Variants in PKD1L1 observed in about 807,000 individuals in gnomAD.
PKD1L1 encodes polycystin-1-like protein 1.
Under a neutral mutation model 323.4 loss-of-function variants are expected in PKD1L1, and 236 were observed. The observed-to-expected ratio is 0.73, with a 90% confidence interval of 0.66 to 0.81. PKD1L1 has a LOEUF of 0.81. Among genes scored for constraint, PKD1L1 ranks in the 40% least tolerant of loss-of-function variants. The pLI, the probability that PKD1L1 is intolerant of heterozygous loss-of-function variation, is 0.00. For missense variants in PKD1L1, 3,320 were observed against 3,508.0 expected, an observed-to-expected ratio of 0.95 and a Z score of 1.35; for synonymous variants, 1,344 against 1,335.0, an observed-to-expected ratio of 1.01 and a Z score of -0.15.
At chr7:47,880,275 T>G (rs1451634305) in intron 21 of PKD1L1, among the ~76,000 whole-genome samples, 14 of 81,584 alleles carry the variant, frequency 1.7e-4, no homozygotes, top group African/African-American at 8.1e-4. Flanking sequence ...CATATATATA[T>G]ATATATATAT....
At chr7:47,955,759 C>G in the PKD1L1 span, among the ~76,000 whole-genome samples, 1 of 152,172 alleles carries the variant, frequency 6.6e-6, no homozygotes, top group Non-Finnish European at 1.5e-5. Context: ...TCTTTTCAGG[C>G]ATTACATATA....
intron 54 of PKD1L1, among the ~76,000 whole-genome samples, chr7:47,800,432 G>A (rs1784634762): frequency 6.6e-6 from 1 of 152,196 alleles, no homozygotes; most frequent in Admixed American, 6.5e-5. Context: ...TGGGGTGGCT[G>A]CTCTCGTGCT....
rs149025049 is a variant in PKD1L1 at position 47,813,188 on chromosome 7, C to T, written c.7279G>A (p.Val2427Met). Residue 2427 changes from valine to methionine, a missense_variant, in exon 49 of 57, where the codon GTG becomes ATG. Physicochemically the swap from Val to Met is conservative, Grantham distance 21 (BLOSUM62 1). Coordinates refer to ENST00000289672, the MANE Select transcript of PKD1L1 (RefSeq NM_138295.5). ...PYLIDPENQN[V>M]TLNGPGGCGT... ...CAGCCCCCAGGACCATTCAGGGTCA[C>T]GTTTTGGTTCTCTGGGTCTATCAGG... 196 of 1,614,202 alleles carry T rather than the reference C, an allele frequency of 1.2e-4. No individual in the cohort carries two copies. Among genetic ancestry groups the T allele is most frequent in the African/African-American group, 1.1e-3 (79 of 75,068 alleles).
At position 47,775,256 on chromosome 7, in the gene PKD1L1, T is replaced by C. The variant is rs377490825; in HGVS notation, c.8527-90A>G. The stretch of plus-strand genomic sequence containing the variant: ...TAGGCAGAAAGGCAGCAAGTGCTGA[T>C]CAGACCTGAACACCACCATCAGCTA... On this transcript the variant is annotated intron_variant, in intron 56 of 56. Coordinates refer to ENST00000289672, the MANE Select transcript of PKD1L1 (RefSeq NM_138295.5). 47 of 1,495,286 alleles carry C rather than the reference T, an allele frequency of 3.1e-5. No individual in the cohort carries two copies. In the African/African-American group the frequency reaches 6.1e-4, roughly 19 times the overall value. The allele number at this position is 1,495,286 out of a possible 1,614,324, so 92.6% of individuals were successfully genotyped here.
intron 46 of PKD1L1, chr7:47,818,058 A>G: frequency 2.2e-6 from 3 of 1,367,734 alleles, no homozygotes; most frequent in Non-Finnish European, 2.9e-6. Flanking sequence ...TTAACTCTGG[A>G]CTTCTCTACA....
In PKD1L1 at chr7:47,830,128, C is replaced by G; in HGVS notation, c.6474-4G>C. ...CACACATTGCTCCTGGCCAAACCTG[C>G]CCCCAGGGAAAGTGCAGTGGTCAGC... On this transcript the variant is annotated splice_region_variant and splice_polypyrimidine_tract_variant and intron_variant, in intron 42 of 56. Transcript: ENST00000289672. 1 of 1,613,246 alleles carries G rather than the reference C, an allele frequency of 6.2e-7. No homozygotes were observed. The highest frequency in any genetic ancestry group is 1.1e-5 in the South Asian group (1 of 90,978).
chr7:47,919,619 C>T (rs1787494719), intron 7 of PKD1L1, among the ~76,000 whole-genome samples: 1 of 151,928 alleles, frequency 6.6e-6, no homozygotes, highest in Admixed American at 6.6e-5. Context: ...TGCTGGAATC[C>T]TTAAAACACT....
At chr7:47,799,592 G>C (rs960802946) in intron 54 of PKD1L1, among the ~76,000 whole-genome samples, 1 of 152,236 alleles carries the variant, frequency 6.6e-6, no homozygotes, top group African/African-American at 2.4e-5. Flanking sequence ...TGGGTGCAAT[G>C]AGGAGGCATG....
chr7:47,818,816 T>C (rs1785078615), intron 46 of PKD1L1, among the ~76,000 whole-genome samples: 1 of 152,258 alleles, frequency 6.6e-6, no homozygotes, highest in African/African-American at 2.4e-5. Context: ...TTTTTTGTTT[T>C]ATTATTTTTT....
At chr7:47,782,312 G>A (rs541187806) in intron 56 of PKD1L1, among the ~76,000 whole-genome samples, 6 of 152,102 alleles carry the variant, frequency 3.9e-5, no homozygotes, top group Non-Finnish European at 7.3e-5. Context: ...CCTGGCAACA[G>A]GACAAGGATG....
At chr7:47,821,232 T>G in intron 45 of PKD1L1, 46 bp from the exon 46 acceptor site, 6 of 1,172,580 alleles carry the variant, frequency 5.1e-6, no homozygotes, top group Non-Finnish European at 7.6e-6. Context: ...ACCCTGTATG[T>G]AGGTACCTGA....
chr7:47,835,344 A>T (rs1008213862), intron 37 of PKD1L1, 101 bp from the exon 38 acceptor site: 6 of 668,546 alleles, frequency 9.0e-6, no homozygotes, highest in Non-Finnish European at 1.3e-5. Context: ...GAATACATAC[A>T]TTATATTTAA....
chr7:47,860,122 C>T (rs761122636), intron 26 of PKD1L1, among the ~76,000 whole-genome samples: 26 of 152,156 alleles, frequency 1.7e-4, no homozygotes, highest in African/African-American at 2.4e-4. Context: ...TATCCATGAA[C>T]ACTTTAGTGT....
intron 24 of PKD1L1, among the ~76,000 whole-genome samples, chr7:47,869,554 G>A (rs986780124): frequency 3.3e-5 from 5 of 152,136 alleles, no homozygotes; most frequent in Admixed American, 6.5e-5. Flanking sequence ...AATTCACCAG[G>A]AAGGTTAAAA....
upstream of PKD1L1, among the ~76,000 whole-genome samples, chr7:47,950,169 T>C (rs2128760919): frequency 6.6e-6 from 1 of 152,326 alleles, no homozygotes; most frequent in African/African-American, 2.4e-5. Context: ...GACACCTTCC[T>C]GTCAAATCTA....
At chr7:47,833,452 G>A (rs780034779) in intron 40 of PKD1L1, among the ~76,000 whole-genome samples, 200 bp from the exon 41 acceptor site, 6 of 152,136 alleles carry the variant, frequency 3.9e-5, no homozygotes, top group Admixed American at 3.3e-4. Flanking sequence ...CTTGGGGGAC[G>A]GTGGGTGCCC....
At position 47,929,546 on chromosome 7, in the gene PKD1L1, G is replaced by A. The variant is rs777852516; in HGVS notation, c.738-20C>T. 1 of 1,592,972 alleles carries A rather than the reference G, an allele frequency of 6.3e-7. No homozygotes were observed. Among genetic ancestry groups the A allele is most frequent in the South Asian group, 1.1e-5 (1 of 88,652 alleles). Reference sequence around the variant, plus strand: ...TGGGAGCTGTGGGAGAGAGGGAGAGGCTTCAGATTTCATGACAGTGGACCA... The same window carrying A: ...TGGGAGCTGTGGGAGAGAGGGAGAGACTTCAGATTTCATGACAGTGGACCA... On this transcript the variant is annotated intron_variant, in intron 6 of 56. Transcript: ENST00000289672.
At chr7:47,866,685 G>C in intron 24 of PKD1L1, 71 bp from the exon 25 acceptor site, 1 of 1,341,012 alleles carries the variant, frequency 7.5e-7, no homozygotes, top group East Asian at 2.3e-5. Context: ...ACTACCAAGA[G>C]TGGGATGGGA....
chr7:47,857,234 A>G lies in PKD1L1; in HGVS notation c.4590+371T>C, dbSNP rs545741405. The stretch of plus-strand genomic sequence containing the variant: ...ATACTCCGCATTTGATGTTAGACCC[A>G]TATCTTCATCGTTCTAAAGACACGA... On this transcript the variant is annotated intron_variant, in intron 28 of 56. Transcript: ENST00000289672. Among the ~76,000 whole-genome samples, 28 of 152,318 alleles carry G rather than the reference A, an allele frequency of 1.8e-4. No individual in the cohort carries two copies. In the South Asian group the frequency reaches 5.2e-3, roughly 28 times the overall value.
Sources: gnomAD v4.1 joint callset for allele counts (sites outside exome capture counted in the v4.1 genomes callset) on GRCh38, gnomAD v4.1.1 for gene constraint, MANE v1.5 for transcripts, NCBI Gene and HGNC (gene_info 2026-07-23, HGNC 2026-07-21) for gene names.